The following IRX2 variants were observed in gnomAD, a reference collection of about 807,000 sequenced individuals.
IRX2 encodes iroquois homeobox 2.
A neutral mutation model predicts 42.9 loss-of-function variants in IRX2; 26 were observed. The ratio of observed to expected loss-of-function variants is 0.61; its 90% confidence interval spans 0.44 to 0.84. The LOEUF (loss-of-function observed/expected upper bound fraction) is 0.84. IRX2 is among the 40% of genes least tolerant of loss of function. IRX2 has a pLI of 0.00. For synonymous variants in IRX2, 424 were observed against 353.9 expected (o/e 1.20, Z -2.22); for missense variants, 782 against 713.9 (o/e 1.10, Z -1.09).
At position 2,748,441 on chromosome 5, in the gene IRX2, T is replaced by C; in HGVS notation, c.1267A>G (p.Thr423Ala). 1 of 1,556,282 alleles carries C rather than the reference T, an allele frequency of 6.4e-7. No individual in the cohort carries two copies. Among genetic ancestry groups the C allele is most frequent in the Non-Finnish European group, 8.6e-7 (1 of 1,156,580 alleles). ...AAAAPGEALHTAPKAASDAGK... is the reference protein window; with the variant it reads ...AAAAPGEALHAAPKAASDAGK... ...GCGTCGCTGGCCGCCTTTGGCGCGG[T>C]GTGCAGGGCCTCGCCGGGGGCCGCG... is the stretch of plus-strand genomic sequence containing the variant. Residue 423 changes from threonine (T) to alanine (A), a missense_variant, in exon 3 of 4, where the codon ACC becomes GCC. Around this residue, in one of 3 missense-constraint regions of IRX2, gnomAD observed 520 missense variants for 437.8 expected, o/e 1.19. Coordinates refer to ENST00000302057, the MANE Select transcript of IRX2 (RefSeq NM_033267.5).
rs756570912 is a variant in IRX2, at chr5:2,746,925, A to C, written c.*639T>G. The C allele has an allele frequency of 6.6e-6, 1 of 152,514 alleles. No individual in the cohort carries two copies. Among genetic ancestry groups the C allele is most frequent in the Non-Finnish European group, 1.5e-5 (1 of 68,032 alleles). 9.4% of individuals were successfully genotyped at this position (152,514 alleles called of 1,614,324 possible). The stretch of plus-strand genomic sequence containing the variant: ...ATGATTAGTAATTCTGACTCGTTGC[A>C]AAGCAACATATTTTTTGAGATACTG... On this transcript the variant is annotated 3_prime_UTR_variant, in exon 4 of 4. Transcript: ENST00000302057.
rs1449952162 is a variant in IRX2, at chr5:2,751,492, G to GGGCGC, written c.-84_-80dup. 8 of 947,940 alleles carry GGGCGC rather than the reference G, an allele frequency of 8.4e-6. No homozygotes were observed. Among genetic ancestry groups the GGGCGC allele is most frequent in the South Asian group, 4.8e-5 (1 of 20,966 alleles). 58.7% of individuals were successfully genotyped at this position (947,940 alleles called of 1,614,324 possible). Reference sequence around the variant, plus strand: ...GGCGCCCTCCATCCACGCCCGGCCGGGGCGCGGCGCGGCGGCGGGCACCCG... The same window carrying GGGCGC: ...GGCGCCCTCCATCCACGCCCGGCCGGGGCGCGGCGCGGCGCGGCGGCGGGCACCCG... On this transcript the variant is annotated 5_prime_UTR_variant, in exon 1 of 4. Coordinates refer to ENST00000302057, the MANE Select transcript of IRX2 (RefSeq NM_033267.5). This position sits in a 1 kb window ranked among gnomAD's most constrained non-coding sequence, Gnocchi z 4.0.
chr5:2,748,913 G>T lies in IRX2; in HGVS notation c.795C>A (p.Asp265Glu). The change falls in exon 3 of 4, where the codon GAC (aspartate) becomes GAA (glutamate). Residue 265 changes from aspartate to glutamate, a missense_variant. Around this residue, in one of 3 missense-constraint regions of IRX2, gnomAD observed 520 missense variants for 437.8 expected, o/e 1.19. Transcript: ENST00000302057. Reference protein sequence around the residue: ...ECKDKYDDLEDDEDDDEEGER... With the variant: ...ECKDKYDDLEEDEDDDEEGER... ...CGCCCTCCTCGTCGTCGTCCTCGTC[G>T]TCCTCCAGGTCGTCATACTTGTCCT... The T allele has an allele frequency of 6.3e-7, 1 of 1,595,896 alleles. No individual in the cohort carries two copies. The highest frequency in any genetic ancestry group is 1.7e-5 in the Admixed American group (1 of 59,828).
At chr5:2,738,440 TC>T in the IRX2 span, among the ~76,000 whole-genome samples, 2 of 152,194 alleles carry the variant, frequency 1.3e-5, no homozygotes, top group African/African-American at 4.8e-5. Flanking sequence ...GGCCATGGCC[TC>T]CTATTTAAAT....
In IRX2 at chr5:2,747,560, C is replaced by T; in HGVS notation, c.*4G>A. The T allele has an allele frequency of 6.2e-7, 1 of 1,613,916 alleles. No individual in the cohort carries two copies. Among genetic ancestry groups the T allele is most frequent in the Non-Finnish European group, 8.5e-7 (1 of 1,179,806 alleles). The stretch of plus-strand genomic sequence containing the variant: ...ACTTACTTGCATTGCTGTGCTCGGC[C>T]CTTCTATAGGTAGGGCTGGACGCCC... On this transcript the variant is annotated 3_prime_UTR_variant, in exon 4 of 4. Transcript: ENST00000302057.
chr5:2,742,884 A>T (rs1737573457), downstream of IRX2, among the ~76,000 whole-genome samples: 1 of 152,210 alleles, frequency 6.6e-6, no homozygotes, highest in South Asian at 2.1e-4. Flanking sequence ...CGTAGTTAAA[A>T]AACAAAGGGT....
chr5:2,735,963 A>T, the IRX2 span, among the ~76,000 whole-genome samples: 6 of 152,188 alleles, frequency 3.9e-5, no homozygotes, highest in African/African-American at 1.2e-4. Flanking sequence ...AAGGAAGAAA[A>T]AAATTCCACT....
At chr5:2,745,958 T>C (rs191295807), downstream of IRX2, 1 of 151,422 alleles carries the variant, frequency 6.6e-6, no homozygotes, top group Admixed American at 6.6e-5. Context: ...AATACCTGTA[T>C]AGAAATCATC....
chr5:2,750,521 C>T (rs545569919), intron 1 of IRX2, among the ~76,000 whole-genome samples: 77 of 152,336 alleles, frequency 5.1e-4, no homozygotes, highest in African/African-American at 1.8e-3. Context: ...GTCGCCGGAG[C>T]AGGAGCTGCG....
Position 2,748,439 on chromosome 5 carries a change from G to C in IRX2, c.1269C>G (p.Thr423=), listed in dbSNP as rs768779959. 6.4e-7 allele frequency: 1 copy of C among 1,554,656 alleles called. No individual in the cohort carries two copies. The highest frequency in any genetic ancestry group is 8.7e-7 in the Non-Finnish European group (1 of 1,155,848). ...CCGCGTCGCTGGCCGCCTTTGGCGCGGTGTGCAGGGCCTCGCCGGGGGCCG... is the reference window on the plus strand; with the variant it reads ...CCGCGTCGCTGGCCGCCTTTGGCGCCGTGTGCAGGGCCTCGCCGGGGGCCG... ...AAAAPGEALH[T]APKAASDAGK... is the part of the protein sequence containing the mutation. The change falls in exon 3 of 4, where the codon ACC becomes ACG. Residue 423 remains threonine, a synonymous_variant. Transcript: ENST00000302057.
the IRX2 span, chr5:2,737,734 G>A: frequency 6.6e-6 from 1 of 152,288 alleles, no homozygotes; most frequent in Non-Finnish European, 1.5e-5. Flanking sequence ...GTCATTACCT[G>A]CCCTCAAACA....
At chr5:2,742,704 T>C (rs1737569228), downstream of IRX2, among the ~76,000 whole-genome samples, 1 of 152,240 alleles carries the variant, frequency 6.6e-6, no homozygotes, top group South Asian at 2.1e-4. Context: ...GTGATAATTA[T>C]TGTATATTGT....
downstream of IRX2, among the ~76,000 whole-genome samples, chr5:2,743,393 CGCCCCGGTGCTCTCGGCAGCCCCCG>C (rs1198820568): frequency 6.6e-6 from 1 of 152,176 alleles, no homozygotes; most frequent in Middle Eastern, 3.2e-3. Flanking sequence ...GCCGGGCAAG[CGCCCCGGTGCTCTCGGCAGCCCCCG>C]GCCCCCGGGG....
Position 2,747,586 on chromosome 5 carries a change from C to A in IRX2, c.1394G>T (p.Gly465Val). The A allele has an allele frequency of 6.2e-7, 1 of 1,614,058 alleles. No homozygotes were observed. The highest frequency in any genetic ancestry group is 8.5e-7 in the Non-Finnish European group (1 of 1,179,992). ...CTTCTATAGGTAGGGCTGGACGCCC[C>A]CGCCAACCACGGTGCAGCCCTCGCT... ...DASEGCTVVG[G>V]GVQPYL is the part of the protein sequence containing the mutation. The change falls in exon 4 of 4, where the codon GGG (glycine) becomes GTG (valine). Residue 465 changes from glycine to valine, a missense_variant. Gly to Val is a moderately radical substitution (Grantham distance 109). Around this residue, in one of 3 missense-constraint regions of IRX2, gnomAD observed 520 missense variants for 437.8 expected, o/e 1.19. Transcript: ENST00000302057.
At chr5:2,739,248 G>T in the IRX2 span, among the ~76,000 whole-genome samples, 12,921 of 152,244 alleles carry the variant, frequency 0.085, 1,301 homozygotes, top group African/African-American at 0.24. Flanking sequence ...CCCTCGCTCC[G>T]TGCGCCCAAG....
At chr5:2,740,913 G>A (rs538480547), downstream of IRX2, among the ~76,000 whole-genome samples, 2 of 152,260 alleles carry the variant, frequency 1.3e-5, no homozygotes, top group Non-Finnish European at 2.9e-5. Context: ...AGCTTACTGA[G>A]CACCCGGCCG....
chr5:2,744,316 T>G (rs574459016), downstream of IRX2, among the ~76,000 whole-genome samples: 1 of 152,310 alleles, frequency 6.6e-6, no homozygotes, highest in East Asian at 1.9e-4. Flanking sequence ...TCCGTGTTTA[T>G]TTTGTTAAAT....
At chr5:2,742,264 C>T (rs1459801164), downstream of IRX2, among the ~76,000 whole-genome samples, 6 of 152,152 alleles carry the variant, frequency 3.9e-5, no homozygotes, top group East Asian at 3.8e-4. Flanking sequence ...AAACCAGATT[C>T]GTAGCATTCT....
In IRX2 at chr5:2,747,124, C is replaced by T. The variant is rs1027991623; in HGVS notation, c.*440G>A. On this transcript the variant is annotated 3_prime_UTR_variant, in exon 4 of 4. Transcript: ENST00000302057. ...TTTTGGTAGCCCAAGCTCATCAAAG[C>T]ATGTGTCTATTATGTGTCTAGCATA... is the stretch of plus-strand genomic sequence containing the variant. 1 of 152,076 alleles carries T rather than the reference C, an allele frequency of 6.6e-6. No individual in the cohort carries two copies. Among genetic ancestry groups the T allele is most frequent in the Non-Finnish European group, 1.5e-5 (1 of 68,044 alleles). The allele number at this position is 152,076 out of a possible 1,614,324, so 9.4% of individuals were successfully genotyped here.
Sources: gnomAD v4.1 joint callset for allele counts (sites outside exome capture counted in the v4.1 genomes callset) on GRCh38, gnomAD v4.1.1 for gene constraint, gnomAD v4.1.1 regional missense constraint, Gnocchi (gnomAD v3.1) non-coding constraint, MANE v1.5 for transcripts, NCBI Gene and HGNC (gene_info 2026-07-23, HGNC 2026-07-21) for gene names.